The following RYR3 variants were observed in gnomAD, a reference collection of about 807,000 sequenced individuals.
RYR3 encodes the protein ryanodine receptor 3, also known as brain ryanodine receptor-calcium release channel.
In RYR3, 207 loss-of-function variants were observed where a neutral mutation model predicts 584.3. That is an observed-to-expected ratio of 0.35 (90% CI 0.32 to 0.40). RYR3 has a LOEUF of 0.40. Among genes scored for constraint, RYR3 ranks in the 10% least tolerant of loss-of-function variants. RYR3 has a pLI of 1.00. For missense variants in RYR3, 5,616 were observed against 6,089.2 expected, an observed-to-expected ratio of 0.92 and a Z score of 2.59; for synonymous variants, 2,416 against 2,248.5, an observed-to-expected ratio of 1.07 and a Z score of -2.11.
chr15:33,773,138 C>G (rs749852170), intron 63 of RYR3, among the ~76,000 whole-genome samples: 1 of 152,222 alleles, frequency 6.6e-6, no homozygotes, highest in Non-Finnish European at 1.5e-5. Flanking sequence ...AAGGCTCATT[C>G]AAGCTTCAGA....
chr15:33,819,143 A>G (rs72715186), intron 76 of RYR3, among the ~76,000 whole-genome samples: 8,261 of 152,164 alleles, frequency 0.054, 297 homozygotes, highest in South Asian at 0.079. Context: ...AGACATGTCT[A>G]GGGAAACTAC....
In RYR3 at chr15:33,844,880, G is replaced by C. The variant is rs1369781969; in HGVS notation, c.13315G>C (p.Glu4439Gln). 16 of 1,175,690 alleles carry C rather than the reference G, an allele frequency of 1.4e-5. No individual in the cohort carries two copies. Among genetic ancestry groups the C allele is most frequent in the Admixed American group, 2.1e-5 (1 of 47,076 alleles). 72.8% of individuals were successfully genotyped at this position (1,175,690 alleles called of 1,614,324 possible). ...GAGCCAGGTCACTGAAGAACCTTTA[G>C]AAGAAGAGACAGAGGATGTTGCAAA... Reference protein sequence around the residue: ...LFYKVTEEPLEEETEDVANLW... With the variant: ...LFYKVTEEPLQEETEDVANLW... The change falls in exon 93 of 104, where the codon GAA (glutamate) becomes CAA (glutamine). Residue 4439 changes from glutamate to glutamine, a missense_variant. Around this residue, in one of 9 missense-constraint regions of RYR3, gnomAD observed 918 missense variants for 887.4 expected, o/e 1.03. Transcript: ENST00000634891.
intron 86 of RYR3, among the ~76,000 whole-genome samples, chr15:33,834,175 T>G (rs549288305): frequency 2.0e-5 from 3 of 152,076 alleles, no homozygotes; most frequent in African/African-American, 7.2e-5. Context: ...TCTCAGCTAC[T>G]TGGGAGGCTG....
intron 18 of RYR3, among the ~76,000 whole-genome samples, chr15:33,609,908 A>C (rs1424027761): frequency 6.6e-6 from 1 of 152,298 alleles, no homozygotes; most frequent in Non-Finnish European, 1.5e-5. Flanking sequence ...AAAGATGTCA[A>C]ACCTACACAC....
At position 33,800,836 on chromosome 15, in the gene RYR3, C is replaced by T; in HGVS notation, c.9897C>T (p.Phe3299=). ...DQLFRMVAEV[F]ILWCKSHNFK... Reference sequence around the variant, plus strand: ...TCTTCCGCATGGTGGCAGAAGTCTTCATTCTGTGGTGTAAATCTCATGTAA... The same window carrying T: ...TCTTCCGCATGGTGGCAGAAGTCTTTATTCTGTGGTGTAAATCTCATGTAA... Residue 3299 remains phenylalanine (F), a synonymous_variant, in exon 68 of 104, where the codon TTC becomes TTT. Coordinates refer to ENST00000634891, the MANE Select transcript of RYR3 (RefSeq NM_001036.6). 1 of 1,613,214 alleles carries T rather than the reference C, an allele frequency of 6.2e-7. No homozygotes were observed. The highest frequency in any genetic ancestry group is 8.5e-7 in the Non-Finnish European group (1 of 1,179,186).
At chr15:33,709,130 T>C (rs1208856333) in intron 43 of RYR3, among the ~76,000 whole-genome samples, 1 of 152,222 alleles carries the variant, frequency 6.6e-6, no homozygotes, top group African/African-American at 2.4e-5. Context: ...TTAGAGCTCA[T>C]ATCTAACAGT....
At chr15:33,805,515 T>A (rs2076141915) in intron 69 of RYR3, among the ~76,000 whole-genome samples, 1 of 150,442 alleles carries the variant, frequency 6.6e-6, no homozygotes, top group African/African-American at 2.4e-5. Context: ...TCCTGCTCTG[T>A]CGCCCAGGCT....
chr15:33,607,818 A>G (rs556840086), intron 18 of RYR3, among the ~76,000 whole-genome samples: 16 of 152,344 alleles, frequency 1.1e-4, no homozygotes, highest in Middle Eastern at 6.8e-3. Flanking sequence ...TGAAAAAAAC[A>G]CAAACAAATA....
intron 70 of RYR3, chr15:33,807,841 C>T (rs1233430667): frequency 2.6e-5 from 13 of 506,692 alleles, no homozygotes; most frequent in Non-Finnish European, 4.3e-5. Context: ...GCTGCCCTCT[C>T]GGCAGCCACC....
At chr15:33,350,727 C>A (rs929930592) in intron 1 of RYR3, among the ~76,000 whole-genome samples, 15 of 151,530 alleles carry the variant, frequency 9.9e-5, no homozygotes, top group African/African-American at 3.6e-4. Flanking sequence ...ACAAAGACAC[C>A]ACATACCAGA....
intron 3 of RYR3, among the ~76,000 whole-genome samples, chr15:33,513,767 G>C (rs1417184383): frequency 6.6e-6 from 1 of 152,150 alleles, no homozygotes; most frequent in Non-Finnish European, 1.5e-5. Flanking sequence ...CCACTCTCTG[G>C]TCCTTGCTGT....
Position 33,521,116 on chromosome 15 carries a change from C to G in RYR3, c.280-9476C>G, listed in dbSNP as rs1019694718. ...GGGGATCTTCCTACGGCTTTAGGTG[C>G]CCACAGGAAAGAATCAACTCTAGGT... On this transcript the variant is annotated intron_variant, in intron 3 of 103. Coordinates refer to ENST00000634891, the MANE Select transcript of RYR3 (RefSeq NM_001036.6). 2.8e-5 allele frequency among the ~76,000 whole-genome samples: 4 copies of G among 141,352 alleles called. No individual in the cohort carries two copies. The Admixed American group carries it at 2.8e-4, about 10-fold the overall frequency. The allele number at this position is 141,352 out of a possible 152,430, so 92.7% of individuals were successfully genotyped here.
chr15:33,780,324 C>T lies in RYR3; in HGVS notation c.9251C>T (p.Thr3084Ile), dbSNP rs779827236. 1 of 1,613,704 alleles carries T rather than the reference C, an allele frequency of 6.2e-7. No individual in the cohort carries two copies. The highest frequency in any genetic ancestry group is 1.1e-5 in the South Asian group (1 of 91,014). Residue 3084 changes from threonine (T) to isoleucine (I), a missense_variant, in exon 65 of 104, where the codon ACC becomes ATC. Physicochemically the swap from Thr to Ile is moderately conservative, Grantham distance 89. Transcript: ENST00000634891. ...CCACTCTCGGTCTTCAACACCAAAA[C>T]CCCCAGGGAGAGGTCTAGTAAGTAT... is the stretch of plus-strand genomic sequence containing the variant. ...YNPLSVFNTK[T>I]PRERSILGMP...
chr15:33,552,569 G>A (rs183051136), intron 10 of RYR3, among the ~76,000 whole-genome samples: 199 of 151,054 alleles, frequency 1.3e-3, no homozygotes, highest in Middle Eastern at 3.4e-3. Flanking sequence ...GTCTCCATGC[G>A]GTAGTATTCA....
intron 8 of RYR3, among the ~76,000 whole-genome samples, chr15:33,545,674 G>A (rs184663180): frequency 9.2e-5 from 14 of 152,268 alleles, no homozygotes; most frequent in Admixed American, 7.2e-4. Flanking sequence ...TGAGTGATAA[G>A]CCTTGTCTTT....
chr15:33,486,671 G>A (rs955150175), intron 2 of RYR3, among the ~76,000 whole-genome samples: 1 of 152,124 alleles, frequency 6.6e-6, no homozygotes, highest in African/African-American at 2.4e-5. Context: ...GGGAGTAGAG[G>A]GTGATGTTGC....
At chr15:33,428,508 C>T (rs2044841867) in intron 1 of RYR3, among the ~76,000 whole-genome samples, 1 of 152,144 alleles carries the variant, frequency 6.6e-6, no homozygotes, top group African/African-American at 2.4e-5. Context: ...ATACCTTAGA[C>T]CTACATTTCT....
Position 33,807,180 on chromosome 15 carries a change from T to G in RYR3, c.10012-375T>G, listed in dbSNP as rs116074598. On this transcript the variant is annotated intron_variant, in intron 69 of 103. Transcript: ENST00000634891. ...CTCTGCTCTTTGGTTATACAACAGA[T>G]TGTCTATAGCCCACCCAGGTGAAAG... is the stretch of plus-strand genomic sequence containing the variant. Among the ~76,000 whole-genome samples the G allele has an allele frequency of 7.7e-3, 1,176 of 152,254 alleles. 21 individuals carry two copies. Among genetic ancestry groups the G allele is most frequent in the African/African-American group, 0.027 (1,124 of 41,536 alleles).
intron 1 of RYR3, among the ~76,000 whole-genome samples, chr15:33,409,135 A>G (rs1442284939): frequency 1.3e-5 from 2 of 152,134 alleles, no homozygotes; most frequent in Non-Finnish European, 2.9e-5. Flanking sequence ...AACTTTCACT[A>G]TCTAGTTGGC....
Sources: gnomAD v4.1 joint callset for allele counts (sites outside exome capture counted in the v4.1 genomes callset) on GRCh38, gnomAD v4.1.1 for gene constraint, gnomAD v4.1.1 regional missense constraint, MANE v1.5 for transcripts, NCBI Gene and HGNC (gene_info 2026-07-23, HGNC 2026-07-21) for gene names.